FBXO11: variants seen among roughly 807,000 people sequenced by gnomAD.
FBXO11 encodes F-box protein 11.
Under a neutral mutation model 117.0 loss-of-function variants are expected in FBXO11, and 13 were observed. That is an observed-to-expected ratio of 0.11 (90% CI 0.07 to 0.18). The LOEUF (loss-of-function observed/expected upper bound fraction) is 0.18. Ranked by LOEUF, FBXO11 falls within the 10% of genes least tolerant of loss-of-function variation. The probability of loss-of-function intolerance (pLI) is 1.00; values close to 1 mark genes in which losing one functional copy is unlikely to be tolerated. For synonymous variants in FBXO11, 490 were observed against 380.5 expected (o/e 1.29, Z -3.35); for missense variants, 767 against 1,164.4 (o/e 0.66, Z 4.97).
chr2:47,839,125 G>C, intron 3 of FBXO11, 122 bp from the exon 4 acceptor site: 2 of 996,552 alleles, frequency 2.0e-6, no homozygotes, highest in Non-Finnish European at 2.9e-6. Flanking sequence ...CATTTTATAA[G>C]CATGTGGGTT....
At chr2:47,820,293 T>C (rs1671290239) in intron 14 of FBXO11, 69 bp downstream of exon 14, 1 of 1,233,784 alleles carries the variant, frequency 8.1e-7, no homozygotes, top group Admixed American at 1.9e-5. Flanking sequence ...CCTAAAAGCT[T>C]GAGGAGAAAC....
At chr2:47,865,334 A>G (rs932903863) in intron 1 of FBXO11, among the ~76,000 whole-genome samples, 1 of 152,198 alleles carries the variant, frequency 6.6e-6, no homozygotes, top group Non-Finnish European at 1.5e-5. Context: ...AATGGGCTAC[A>G]TGGCCAATGG....
chr2:47,880,105 C>T (rs1026683404), intron 1 of FBXO11, among the ~76,000 whole-genome samples: 1 of 151,862 alleles, frequency 6.6e-6, no homozygotes, highest in Non-Finnish European at 1.5e-5. Context: ...GAGAGATTCT[C>T]CCACCACAGC....
intron 1 of FBXO11, among the ~76,000 whole-genome samples, chr2:47,864,956 T>C (rs1255028553): frequency 6.6e-6 from 1 of 152,242 alleles, no homozygotes; most frequent in Non-Finnish European, 1.5e-5. Flanking sequence ...ACTTTCATTC[T>C]ACGTGTACAA....
chr2:47,813,544 G>C (rs910673742), intron 17 of FBXO11, among the ~76,000 whole-genome samples, 167 bp from the exon 18 acceptor site: 1 of 143,814 alleles, frequency 7.0e-6, no homozygotes, highest in Admixed American at 7.7e-5. Context: ...TGATTCTCCT[G>C]CCTCAGCCTC....
chr2:47,830,764 A>G (rs1464842317), intron 11 of FBXO11, among the ~76,000 whole-genome samples: 2 of 152,168 alleles, frequency 1.3e-5, no homozygotes, highest in African/African-American at 2.4e-5. Context: ...GTGAACTTTA[A>G]TAAGGGACCA....
chr2:47,861,318 C>CTTTTT (rs869265850), intron 1 of FBXO11, among the ~76,000 whole-genome samples: 1 of 132,634 alleles, frequency 7.5e-6, no homozygotes, highest in African/African-American at 2.7e-5. Flanking sequence ...ATAGTCTGAC[C>CTTTTT]TTTTTTTTTT....
chr2:47,841,904 G>C (rs1402721706), intron 1 of FBXO11, among the ~76,000 whole-genome samples: 1 of 151,998 alleles, frequency 6.6e-6, no homozygotes, highest in Non-Finnish European at 1.5e-5. Flanking sequence ...CTCCCAAAGG[G>C]CTGGGATTAC....
rs759790336 is a variant in FBXO11 at position 47,818,875 on chromosome 2, A to C, written c.1921-11T>G. 2.7e-6 allele frequency: 3 copies of C among 1,096,302 alleles called. No individual in the cohort carries two copies. Among genetic ancestry groups the C allele is most frequent in the Non-Finnish European group, 3.7e-6 (3 of 810,722 alleles). 67.9% of individuals were successfully genotyped at this position (1,096,302 alleles called of 1,614,324 possible). On this transcript the variant is annotated splice_polypyrimidine_tract_variant and intron_variant, in intron 15 of 22. Transcript: ENST00000403359. ...AAAATAAACACCAACCTAAAATTTA[A>C]AAAAAAAAAAAAAGCTTTTTCAAGG...
chr2:47,901,004 G>C (rs989607077), intron 1 of FBXO11, among the ~76,000 whole-genome samples: 2 of 135,788 alleles, frequency 1.5e-5, no homozygotes, highest in African/African-American at 2.6e-5. Context: ...TGCCGGTGGG[G>C]AGATATATAT....
intron 1 of FBXO11, 87 bp downstream of exon 1, chr2:47,905,402 C>CCCCGCCCGCCCGCCCG (rs545418712): frequency 9.2e-7 from 1 of 1,090,072 alleles, no homozygotes; most frequent in South Asian, 4.2e-5. Flanking sequence ...CGCAGGCCGC[C>CCCCGCCCGCCCGCCCG]CCCGCCCGCC....
chr2:47,899,593 G>A (rs1677942364), intron 1 of FBXO11, among the ~76,000 whole-genome samples: 1 of 152,116 alleles, frequency 6.6e-6, no homozygotes, highest in African/African-American at 2.4e-5. Context: ...GTCAGGATTA[G>A]AACCCATATC....
rs759003780 is a variant in FBXO11 at position 47,834,676 on chromosome 2, T to G, written c.837A>C (p.Val279=). 1.9e-6 allele frequency: 3 copies of G among 1,612,646 alleles called. No homozygotes were observed. The highest frequency in any genetic ancestry group is 2.5e-6 in the Non-Finnish European group (3 of 1,179,236). ...YDTIEDALGG[V]QEAHFDGLIF... is the part of the protein sequence containing the mutation. Reference sequence around the variant, plus strand: ...TAAGTCCATCAAAATGAGCCTCTTGTACCCCACCAAGGGCATCTTCAATAG... The same window carrying G: ...TAAGTCCATCAAAATGAGCCTCTTGGACCCCACCAAGGGCATCTTCAATAG... The change falls in exon 7 of 23, where the codon GTA becomes GTC. Residue 279 remains valine, a synonymous_variant. Transcript: ENST00000403359.
intron 18 of FBXO11, among the ~76,000 whole-genome samples, chr2:47,812,463 T>C (rs1345294703): frequency 1.3e-5 from 2 of 152,230 alleles, no homozygotes; most frequent in Non-Finnish European, 2.9e-5. Flanking sequence ...CCATTCTGTA[T>C]TGTGTGTCTT....
chr2:47,814,542 T>TTAATTTTTAG (rs2104670277), intron 16 of FBXO11, among the ~76,000 whole-genome samples: 1 of 151,988 alleles, frequency 6.6e-6, no homozygotes, highest in East Asian at 1.9e-4. Flanking sequence ...CCATGCCCAG[T>TTAATTTTTAG]TAATTTTTGT....
At chr2:47,815,183 G>C (rs1175928295) in intron 16 of FBXO11, among the ~76,000 whole-genome samples, 1 of 151,962 alleles carries the variant, frequency 6.6e-6, no homozygotes, top group East Asian at 1.9e-4. Context: ...GTTTATTTTT[G>C]TATTTAGGTT....
At chr2:47,860,259 AAC>A (rs1429618603) in intron 1 of FBXO11, among the ~76,000 whole-genome samples, 1 of 152,204 alleles carries the variant, frequency 6.6e-6, no homozygotes, top group Admixed American at 6.5e-5. Context: ...CTGACTAGCT[AAC>A]TCATTTGCCA....
At chr2:47,850,226 G>A (rs551064073) in intron 1 of FBXO11, among the ~76,000 whole-genome samples, 1 of 152,306 alleles carries the variant, frequency 6.6e-6, no homozygotes, top group African/African-American at 2.4e-5. Flanking sequence ...ATGGATGGTG[G>A]TGCCATGTAC....
chr2:47,854,818 G>C (rs1259535011), intron 1 of FBXO11, among the ~76,000 whole-genome samples: 1 of 151,444 alleles, frequency 6.6e-6, no homozygotes, highest in Non-Finnish European at 1.5e-5. Context: ...AAAAGTCTTT[G>C]AATGCCAAGG....
Sources: allele counts gnomAD v4.1 joint callset (sites outside exome capture counted in the v4.1 genomes callset), GRCh38; gene constraint gnomAD v4.1.1; transcripts MANE v1.5; gene names NCBI Gene and HGNC (gene_info 2026-07-23, HGNC 2026-07-21).